TMEM9: variants seen among roughly 807,000 people sequenced by gnomAD.
TMEM9 encodes proton-transporting V-type ATPase complex assembly regulator TMEM9.
In TMEM9, 13 loss-of-function variants were observed where a neutral mutation model predicts 22.8. That is an observed-to-expected ratio of 0.57 (90% CI 0.37 to 0.91). TMEM9 has a LOEUF of 0.91. Ranked by LOEUF, TMEM9 falls within the 40% of genes least tolerant of loss-of-function variation. The pLI is 0.01. For missense variants in TMEM9, 182 were observed against 238.1 expected (o/e 0.76, Z 1.55); for synonymous variants, 88 against 93.0 (o/e 0.95, Z 0.31).
At chr1:201,156,539 C>A (rs571503551), upstream of TMEM9, among the ~76,000 whole-genome samples, 2 of 152,304 alleles carry the variant, frequency 1.3e-5, no homozygotes, top group East Asian at 1.9e-4. Flanking sequence ...TTACTCCCCC[C>A]ACCGGCTGTC....
rs1184767012 is a variant in TMEM9, at chr1:201,143,913, C to T, written c.306G>A (p.Leu102=). 1 of 1,614,190 alleles carries T rather than the reference C, an allele frequency of 6.2e-7. No individual in the cohort carries two copies. The highest frequency in any genetic ancestry group is 8.5e-7 in the Non-Finnish European group (1 of 1,180,034). The change falls in exon 4 of 5, where the codon CTG becomes CTA. Residue 102 remains leucine, a synonymous_variant. Coordinates refer to ENST00000367330, the MANE Select transcript of TMEM9 (RefSeq NM_001288565.2). ...IVIYLSVVGA[L]LLYMAFLMLV... is the part of the protein sequence containing the mutation. ...GCATCAGGAAGGCCATGTAGAGCAA[C>T]AGGGCACCCACCACGGACAGGTAGA... is the stretch of plus-strand genomic sequence containing the variant.
chr1:201,158,462 T>C (rs1360367304), upstream of TMEM9, among the ~76,000 whole-genome samples: 1 of 151,578 alleles, frequency 6.6e-6, no homozygotes, highest in Non-Finnish European at 1.5e-5. Flanking sequence ...AGGGGCAGTG[T>C]AGGGAGAGCA....
intron 2 of TMEM9, among the ~76,000 whole-genome samples, chr1:201,149,479 C>G (rs535546396): frequency 6.6e-6 from 1 of 152,188 alleles, no homozygotes; most frequent in Non-Finnish European, 1.5e-5. Context: ...TCAGTGCTTT[C>G]CTGCTCTGGG....
chr1:201,171,326 G>A (rs1043867989), intron 1 of TMEM9, among the ~76,000 whole-genome samples: 3 of 152,358 alleles, frequency 2.0e-5, no homozygotes, highest in African/African-American at 7.2e-5. Context: ...ACTGGCCGCT[G>A]GGTCCCAGGC....
intron 1 of TMEM9, among the ~76,000 whole-genome samples, chr1:201,165,558 TC>T (rs1327248132): frequency 5.3e-5 from 8 of 151,908 alleles, no homozygotes; most frequent in Non-Finnish European, 1.0e-4. Context: ...TGCCTCAGCC[TC>T]CCGAGTAGCT....
At chr1:201,158,650 G>T (rs1486940817), upstream of TMEM9, among the ~76,000 whole-genome samples, 1 of 152,112 alleles carries the variant, frequency 6.6e-6, no homozygotes, top group Non-Finnish European at 1.5e-5. Flanking sequence ...CAGTGAGAGG[G>T]TGGAGACCAG....
intron 1 of TMEM9, among the ~76,000 whole-genome samples, chr1:201,171,134 C>G (rs1666201269): frequency 6.6e-6 from 1 of 152,210 alleles, no homozygotes; most frequent in East Asian, 1.9e-4. Context: ...CCCGCTCGCT[C>G]CGTCCTTCCC....
In TMEM9 at chr1:201,135,471, G is replaced by C. The variant is rs1007032227; in HGVS notation, c.*192C>G. On this transcript the variant is annotated 3_prime_UTR_variant, in exon 5 of 5. Coordinates refer to ENST00000367330, the MANE Select transcript of TMEM9 (RefSeq NM_001288565.2). ...ACCCAAGAAGACAACAGAGATCAGA[G>C]ACCACATCCCTCTTCCCTAATCAAA... The C allele has an allele frequency of 5.6e-6, 3 of 535,670 alleles. No homozygotes were observed. The highest frequency in any genetic ancestry group is 9.4e-6 in the Non-Finnish European group (3 of 320,470). 33.2% of individuals were successfully genotyped at this position (535,670 alleles called of 1,614,324 possible).
intron 2 of TMEM9, among the ~76,000 whole-genome samples, 181 bp downstream of exon 2, chr1:201,151,580 T>C (rs1665421854): frequency 6.6e-6 from 1 of 152,196 alleles, no homozygotes; most frequent in Non-Finnish European, 1.5e-5. Flanking sequence ...GACACCTGGA[T>C]CCTGTTTCCA....
Position 201,165,150 on chromosome 1 carries a change from TTA to T in TMEM9, c.-37+6338_-37+6339del, listed in dbSNP as rs57281429. On this transcript the variant is annotated intron_variant, in intron 1 of 5. Coordinates refer to the TMEM9 transcript ENST00000367333. ...CATTTTATCACTTTTTAAGAGAAAA[TTA>T]TATATATATATATATATATATATAT... Among the ~76,000 whole-genome samples, 1,534 of 87,046 alleles carry T rather than the reference TTA, an allele frequency of 0.018. 42 individuals are homozygous for T. The East Asian group carries it at 0.18, about 10-fold the overall frequency. 57.1% of individuals were successfully genotyped at this position (87,046 alleles called of 152,430 possible).
At chr1:201,168,368 A>T (rs914618666) in intron 1 of TMEM9, among the ~76,000 whole-genome samples, 1 of 152,102 alleles carries the variant, frequency 6.6e-6, no homozygotes, top group African/African-American at 2.4e-5. Context: ...ATTTTAGGGG[A>T]GGGAAATAAA....
chr1:201,165,137 T>C (rs1221858524), intron 1 of TMEM9, among the ~76,000 whole-genome samples: 1 of 129,274 alleles, frequency 7.7e-6, no homozygotes, highest in Non-Finnish European at 1.6e-5. Flanking sequence ...TTTTATCACT[T>C]TTTAAGAGAA....
chr1:201,155,419 C>A (rs918234213), upstream of TMEM9, among the ~76,000 whole-genome samples: 5 of 152,134 alleles, frequency 3.3e-5, no homozygotes, highest in East Asian at 7.7e-4. Context: ...GAATCAAGCC[C>A]CTCGCAGGCC....
intron 1 of TMEM9, among the ~76,000 whole-genome samples, chr1:201,162,813 A>T (rs187501606): frequency 6.6e-6 from 1 of 152,316 alleles, no homozygotes; most frequent in Non-Finnish European, 1.5e-5. Context: ...TTTGCACATG[A>T]CATATCTAAT....
chr1:201,162,172 AT>A (rs780290592), intron 1 of TMEM9, among the ~76,000 whole-genome samples: 12,756 of 140,516 alleles, frequency 0.091, 1,412 homozygotes, highest in African/African-American at 0.27. Context: ...TGCCCAATTG[AT>A]TTTTTTTTTT....
chr1:201,149,864 C>T (rs1178932827), intron 2 of TMEM9, among the ~76,000 whole-genome samples: 1 of 152,228 alleles, frequency 6.6e-6, no homozygotes, highest in Non-Finnish European at 1.5e-5. Context: ...GGATGACTCC[C>T]AGTCAAGGTC....
chr1:201,142,000 C>T (rs1664566823), intron 4 of TMEM9, among the ~76,000 whole-genome samples: 1 of 152,222 alleles, frequency 6.6e-6, no homozygotes, highest in Non-Finnish European at 1.5e-5. Context: ...TACCCCTAAT[C>T]GCTGAGTGTT....
Position 201,153,916 on chromosome 1 carries a change from A to G in TMEM9, c.8T>C (p.Leu3Pro). 6.2e-7 allele frequency: 1 copy of G among 1,611,704 alleles called. No homozygotes were observed. The highest frequency in any genetic ancestry group is 8.5e-7 in the Non-Finnish European group (1 of 1,178,542). The change falls in exon 1 of 5, where the codon CTC becomes CCC. Residue 3 changes from leucine to proline, a missense_variant. Transcript: ENST00000367330. MK[L>P]LSLVAVVGCL... ...CCCGACCACAGCCACCAAAGATAAG[A>G]GCTTCATGCTTATCAGGCTTGCTGG...
upstream of TMEM9, among the ~76,000 whole-genome samples, chr1:201,155,666 G>A (rs1303236257): frequency 6.6e-6 from 1 of 152,192 alleles, no homozygotes; most frequent in Non-Finnish European, 1.5e-5. Flanking sequence ...TGGAGCTAGA[G>A]TGACCAGGGC....
Sources: gnomAD v4.1 joint callset for allele counts (sites outside exome capture counted in the v4.1 genomes callset) on GRCh38, gnomAD v4.1.1 for gene constraint, MANE v1.5 for transcripts, NCBI Gene and HGNC (gene_info 2026-07-23, HGNC 2026-07-21) for gene names.